Variants in GABPB2 observed in about 807,000 individuals in gnomAD.
GABPB2 encodes the protein GA binding protein transcription factor subunit beta 2.
Under a neutral mutation model 39.1 loss-of-function variants are expected in GABPB2, and 23 were observed. That is an observed-to-expected ratio of 0.59 (90% CI 0.42 to 0.83). The LOEUF is 0.83. GABPB2 is among the 40% of genes least tolerant of loss of function. GABPB2 has a pLI of 0.00. For synonymous variants in GABPB2, 184 were observed against 199.3 expected (o/e 0.92, Z 0.65); for missense variants, 467 against 541.1 (o/e 0.86, Z 1.36).
intron 1 of GABPB2, among the ~76,000 whole-genome samples, chr1:151,086,229 G>A (rs1678180402): frequency 6.6e-6 from 1 of 151,892 alleles, no homozygotes; most frequent in South Asian, 2.1e-4. Flanking sequence ...CTGGGTGACA[G>A]AGTGAAACCC....
chr1:151,074,517 C>T (rs1677004008), intron 1 of GABPB2, among the ~76,000 whole-genome samples: 1 of 143,986 alleles, frequency 6.9e-6, no homozygotes, highest in Non-Finnish European at 1.5e-5. Flanking sequence ...GACGGGGTTT[C>T]ACCACGTTAG....
At chr1:151,083,360 G>A (rs141041537) in intron 1 of GABPB2, among the ~76,000 whole-genome samples, 1 of 152,152 alleles carries the variant, frequency 6.6e-6, no homozygotes, top group Non-Finnish European at 1.5e-5. Flanking sequence ...GGCTGGGCGC[G>A]GTGGCTCACG....
chr1:151,075,420 C>T lies in GABPB2; in HGVS notation c.-1+4486C>T, dbSNP rs587769202. Among the ~76,000 whole-genome samples, 513 of 150,834 alleles carry T rather than the reference C, an allele frequency of 3.4e-3. 3 individuals are homozygous for T. Among genetic ancestry groups the T allele is most frequent in the Non-Finnish European group, 6.1e-3 (413 of 67,626 alleles). On this transcript the variant is annotated intron_variant, in intron 1 of 8. Transcript: ENST00000368918. ...TCTACTAAAAATACAAAAAATTAGC[C>T]GGGCATGGTGGCGGGCGCCTGTAGT...
At chr1:151,080,463 A>G (rs1677574230) in intron 1 of GABPB2, among the ~76,000 whole-genome samples, 1 of 151,460 alleles carries the variant, frequency 6.6e-6, no homozygotes, top group African/African-American at 2.4e-5. Flanking sequence ...GTGAACTGAG[A>G]TCATTCCACT....
chr1:151,085,379 G>A (rs1190708158), intron 1 of GABPB2, among the ~76,000 whole-genome samples: 1 of 152,074 alleles, frequency 6.6e-6, no homozygotes, highest in Non-Finnish European at 1.5e-5. Flanking sequence ...CCTGGGTGAT[G>A]AGAGCAAAAC....
intron 2 of GABPB2, among the ~76,000 whole-genome samples, chr1:151,089,788 C>G (rs1678511214): frequency 6.6e-6 from 1 of 152,010 alleles, no homozygotes; most frequent in African/African-American, 2.4e-5. Context: ...CCACATCCAG[C>G]CTGATCCTTT....
At chr1:151,111,426 T>C (rs1680417309) in intron 7 of GABPB2, among the ~76,000 whole-genome samples, 1 of 145,536 alleles carries the variant, frequency 6.9e-6, no homozygotes, top group Admixed American at 6.8e-5. Context: ...TTTTTTCTTT[T>C]TTTTCTTTTT....
At chr1:151,104,779 T>C (rs587661835) in intron 6 of GABPB2, among the ~76,000 whole-genome samples, 5 of 44,444 alleles carry the variant, frequency 1.1e-4, no homozygotes, top group Non-Finnish European at 1.8e-4. Flanking sequence ...CTTTCTCTCT[T>C]TCTTTCTTTC....
At chr1:151,082,076 CTT>C (rs1215494134) in intron 1 of GABPB2, among the ~76,000 whole-genome samples, 29 of 131,578 alleles carry the variant, frequency 2.2e-4, no homozygotes, top group Non-Finnish European at 1.8e-4. Flanking sequence ...ATTTCTTTTT[CTT>C]TTTTTTTTTT....
At chr1:151,092,730 C>T (rs148161755) in intron 3 of GABPB2, among the ~76,000 whole-genome samples, 27 of 152,106 alleles carry the variant, frequency 1.8e-4, no homozygotes, top group East Asian at 5.8e-4. Flanking sequence ...TGTACTACCA[C>T]GCCTGGCTAA....
intron 6 of GABPB2, 28 bp from the exon 7 acceptor site, chr1:151,107,009 A>G: frequency 1.3e-6 from 2 of 1,529,362 alleles, no homozygotes; most frequent in Non-Finnish European, 1.8e-6. Flanking sequence ...AAAAGCTGAA[A>G]TTTTAAATTT....
Position 151,103,648 on chromosome 1 carries a change from C to T in GABPB2, c.709C>T (p.Pro237Ser). 11 of 1,613,726 alleles carry T rather than the reference C, an allele frequency of 6.8e-6. No homozygotes were observed. Among genetic ancestry groups the T allele is most frequent in the Non-Finnish European group, 9.3e-6 (11 of 1,179,686 alleles). Residue 237 changes from proline to serine, a missense_variant, in exon 6 of 9, where the codon CCC becomes TCC. By Grantham distance (74) the Pro-to-Ser change is moderately conservative (BLOSUM62 -1). Transcript: ENST00000368918. ...TGCAGCTCTTGCTGAGGCATCAGTC[C>T]CCCTCTCCAACTCACACAGAGCCAC... ...TLAALAEASV[P>S]LSNSHRATAN...
At chr1:151,094,043 CTTTTT>C (rs59092942) in intron 4 of GABPB2, among the ~76,000 whole-genome samples, 310 of 54,048 alleles carry the variant, frequency 5.7e-3, no homozygotes, top group South Asian at 0.017. Context: ...TGATTTCGTC[CTTTTT>C]TTTTTTTTTT....
intron 4 of GABPB2, among the ~76,000 whole-genome samples, chr1:151,096,098 C>T (rs1358108885): frequency 6.7e-6 from 1 of 150,020 alleles, no homozygotes; most frequent in Non-Finnish European, 1.5e-5. Context: ...TCATTTGAAG[C>T]TCTTAGTCAA....
chr1:151,104,787 T>C (rs587641809), intron 6 of GABPB2, among the ~76,000 whole-genome samples: 2 of 55,208 alleles, frequency 3.6e-5, no homozygotes, highest in Admixed American at 2.0e-4. Context: ...CTTTCTTTCT[T>C]TCTTTCTTTC....
At chr1:151,090,707 C>A in intron 3 of GABPB2, 134 bp downstream of exon 3, 1 of 854,144 alleles carries the variant, frequency 1.2e-6, no homozygotes, top group Non-Finnish European at 1.8e-6. Context: ...GTTGCATCTC[C>A]AGGAGTCTTC....
At chr1:151,088,351 A>G (rs755716174) in intron 2 of GABPB2, 54 bp downstream of exon 2, 5 of 1,465,006 alleles carry the variant, frequency 3.4e-6, no homozygotes, top group Non-Finnish European at 4.7e-6. Context: ...TTTTACCAAC[A>G]TTTTTCTTAA....
At chr1:151,099,356 C>T (rs1281670283) in intron 5 of GABPB2, among the ~76,000 whole-genome samples, 1 of 151,788 alleles carries the variant, frequency 6.6e-6, no homozygotes. Flanking sequence ...TGCCACCACG[C>T]CCAGCTAATT....
At position 151,125,484 on chromosome 1, in the gene GABPB2, TAC is replaced by T. The variant is rs1432394057; in HGVS notation, c.*7230_*7231del. On this transcript the variant is annotated 3_prime_UTR_variant, in exon 9 of 9. Coordinates refer to ENST00000368918, the MANE Select transcript of GABPB2 (RefSeq NM_144618.3). ...TACTTATACAGATCTATATTATATA[TAC>T]AGTTTTTGTACTATCATTTAAAATA... 3.9e-5 allele frequency: 6 copies of T among 152,336 alleles called. No individual in the cohort carries two copies. The East Asian group carries it at 1.2e-3, about 29-fold the overall frequency. 9.4% of individuals were successfully genotyped at this position (152,336 alleles called of 1,614,324 possible).
Sources: gnomAD v4.1 joint callset for allele counts (sites outside exome capture counted in the v4.1 genomes callset) on GRCh38, gnomAD v4.1.1 for gene constraint, MANE v1.5 for transcripts, NCBI Gene and HGNC (gene_info 2026-07-23, HGNC 2026-07-21) for gene names.